The following SPEG variants were observed in gnomAD, a reference collection of about 807,000 sequenced individuals.
SPEG encodes the protein striated muscle enriched protein kinase.
A neutral mutation model predicts 300.4 loss-of-function variants in SPEG; 114 were observed. The observed-to-expected ratio is 0.38, with a 90% confidence interval of 0.33 to 0.44. The LOEUF (loss-of-function observed/expected upper bound fraction) is 0.44, where lower values mean the gene tolerates loss of function less well. Ranked by LOEUF, SPEG falls within the 20% of genes least tolerant of loss-of-function variation. SPEG has a pLI of 1.00. For missense variants in SPEG, 4,201 were observed against 4,586.2 expected (o/e 0.92, Z 2.43); for synonymous variants, 1,964 against 2,018.9 (o/e 0.97, Z 0.73).
chr2:219,485,114 T>C (rs757426509), intron 30 of SPEG, 42 bp downstream of exon 30: 4 of 1,514,228 alleles, frequency 2.6e-6, no homozygotes, highest in South Asian at 1.2e-5. Flanking sequence ...CAGAGGAGGG[T>C]GGGGTGCGCT....
In SPEG at chr2:219,464,163, C is replaced by T. The variant is rs1199070171; in HGVS notation, c.2706-270C>T. Among the ~76,000 whole-genome samples the T allele has an allele frequency of 1.3e-5, 2 of 150,854 alleles. No individual in the cohort carries two copies. The highest frequency in any genetic ancestry group is 3.0e-5 in the Non-Finnish European group (2 of 67,730). ...GACAAGAAAAAAGAGCTAAATAGCACGGCTCCACTCTGAATGCAGCAGGGT... is the reference window on the plus strand; with the variant it reads ...GACAAGAAAAAAGAGCTAAATAGCATGGCTCCACTCTGAATGCAGCAGGGT... On this transcript the variant is annotated intron_variant, in intron 8 of 40. Coordinates refer to ENST00000312358, the MANE Select transcript of SPEG (RefSeq NM_005876.5). This position sits in a 1 kb window ranked among gnomAD's most constrained non-coding sequence, Gnocchi z 4.5.
Position 219,473,513 on chromosome 2 carries a change from T to G in SPEG, c.4157T>G (p.Leu1386Arg), listed in dbSNP as rs770909541. 3.4e-5 allele frequency: 55 copies of G among 1,613,936 alleles called. No homozygotes were observed. In the South Asian group the frequency reaches 5.3e-4, roughly 15 times the overall value. The change falls in exon 17 of 41, where the codon CTG (leucine) becomes CGG (arginine). Residue 1386 changes from leucine to arginine, a missense_variant. Leu to Arg is a moderately radical substitution (Grantham distance 102). This residue lies in a region of SPEG where 1,047 missense variants were observed against 1,356.8 expected (regional missense o/e 0.77). Coordinates refer to ENST00000312358, the MANE Select transcript of SPEG (RefSeq NM_005876.5). The surrounding 1 kb of genome is among the most constrained non-coding windows in gnomAD (Gnocchi z 4.6). ...GCTCTCCTCCTCCCAGGCCCAACCC[T>G]GGAGGAGGCCCCTGCCATGCTGGAC... Reference protein sequence around the residue: ...PVQLLEHGPTLEEAPAMLDKP... With the variant: ...PVQLLEHGPTREEAPAMLDKP...
At position 219,469,050 on chromosome 2, in the gene SPEG, TACCACC is replaced by T; in HGVS notation, c.3491+3_3491+8del. ...CCGGACAGCCGCCTCAGGCCCCAGGTACCACCGGGGCCCCAAATGATGCTGGGGCTG... is the reference window on the plus strand; with the variant it reads ...CCGGACAGCCGCCTCAGGCCCCAGGTGGGGCCCCAAATGATGCTGGGGCTG... On this transcript the variant is annotated splice_donor_5th_base_variant and intron_variant, in intron 12 of 40. Transcript: ENST00000312358. The T allele has an allele frequency of 6.2e-7, 1 of 1,610,990 alleles. No homozygotes were observed. The highest frequency in any genetic ancestry group is 1.1e-5 in the South Asian group (1 of 90,966).
Position 219,451,864 on chromosome 2 carries a change from C to G in SPEG, c.2440+57C>G. The G allele has an allele frequency of 6.9e-7, 1 of 1,445,806 alleles. No homozygotes were observed. 89.6% of individuals were successfully genotyped at this position (1,445,806 alleles called of 1,614,324 possible). ...GGGGCAAGCCGTGACTCTCCCCTGG[C>G]CCAGGCCCCAGTCCACCTCCCTTCC... On this transcript the variant is annotated intron_variant, in intron 6 of 40. Coordinates refer to ENST00000312358, the MANE Select transcript of SPEG (RefSeq NM_005876.5). The surrounding 1 kb of genome is among the most constrained non-coding windows in gnomAD (Gnocchi z 6.4).
chr2:219,443,688 G>A lies in SPEG; in HGVS notation c.389-965G>A. On this transcript the variant is annotated intron_variant, in intron 1 of 40. Coordinates refer to ENST00000312358, the MANE Select transcript of SPEG (RefSeq NM_005876.5). The surrounding 1 kb of genome is among the most constrained non-coding windows in gnomAD (Gnocchi z 4.6). ...CACAATGCAAATATTGTAATAGAGGGTGGGCCTGACTCCTAATGGGAGGCC... is the reference window on the plus strand; with the variant it reads ...CACAATGCAAATATTGTAATAGAGGATGGGCCTGACTCCTAATGGGAGGCC... 3.0e-6 allele frequency: 1 copy of A among 333,636 alleles called. No homozygotes were observed. Among genetic ancestry groups the A allele is most frequent in the South Asian group, 2.4e-5 (1 of 42,026 alleles). 20.7% of individuals were successfully genotyped at this position (333,636 alleles called of 1,614,324 possible).
chr2:219,455,680 G>A (rs987047981), intron 6 of SPEG, among the ~76,000 whole-genome samples: 1 of 152,162 alleles, frequency 6.6e-6, no homozygotes, highest in African/African-American at 2.4e-5. Context: ...GTAGAACTGA[G>A]CTCATGAGCT....
In SPEG at chr2:219,492,515, A is replaced by G. The variant is rs894998423; in HGVS notation, c.9612-79A>G. 24 of 1,469,446 alleles carry G rather than the reference A, an allele frequency of 1.6e-5. No individual in the cohort carries two copies. The African/African-American group carries it at 2.8e-4, about 17-fold the overall frequency. 91.0% of individuals were successfully genotyped at this position (1,469,446 alleles called of 1,614,324 possible). ...TAGGGGTGGGATCCAGGACTGGGAC[A>G]TGGGTCTGCGGGAGGACAGAGCCCC... On this transcript the variant is annotated intron_variant, in intron 40 of 40. Transcript: ENST00000312358.
chr2:219,469,108 G>T (rs762696892), intron 12 of SPEG, 48 bp from the exon 13 acceptor site: 11 of 1,610,354 alleles, frequency 6.8e-6, no homozygotes, highest in Non-Finnish European at 9.3e-6. Context: ...CCAGCCCTGG[G>T]GTGGGAGGCA....
chr2:219,485,254 G>T lies in SPEG; in HGVS notation c.7610-92G>T, dbSNP rs1693286019. 5.2e-6 allele frequency: 8 copies of T among 1,525,190 alleles called. No individual in the cohort carries two copies. In the South Asian group the frequency reaches 6.2e-5, roughly 12 times the overall value. 94.5% of individuals were successfully genotyped at this position (1,525,190 alleles called of 1,614,324 possible). A position where few individuals can be genotyped will look rare whatever the true frequency, so the allele number is the denominator to read the frequency against. ...GGCGGCAGGGCTGGGTGGGCTAGGG[G>T]TTCCTTCTGGTTCTCTGGGCTGAGG... On this transcript the variant is annotated intron_variant, in intron 30 of 40. Coordinates refer to ENST00000312358, the MANE Select transcript of SPEG (RefSeq NM_005876.5).
intron 4 of SPEG, among the ~76,000 whole-genome samples, chr2:219,450,004 C>A (rs1689623074): frequency 6.6e-6 from 1 of 152,182 alleles, no homozygotes; most frequent in Non-Finnish European, 1.5e-5. Context: ...CAGAGGAAGG[C>A]GTCCTTGACC....
chr2:219,487,931 C>A (rs1041564835), intron 31 of SPEG, among the ~76,000 whole-genome samples: 11 of 152,214 alleles, frequency 7.2e-5, no homozygotes, highest in African/African-American at 2.7e-4. Flanking sequence ...GATTTACAAA[C>A]CCATGACATA....
chr2:219,469,127 G>C (rs1330976078), intron 12 of SPEG, 29 bp from the exon 13 acceptor site: 2 of 1,612,750 alleles, frequency 1.2e-6, no homozygotes, highest in Non-Finnish European at 1.7e-6. Context: ...CACGGCCCTG[G>C]GCCTGTGGGC....
At chr2:219,488,693 G>T in intron 33 of SPEG, 28 bp downstream of exon 33, 1 of 1,604,404 alleles carries the variant, frequency 6.2e-7, no homozygotes, top group Non-Finnish European at 8.5e-7. Flanking sequence ...CCCCAGGGGG[G>T]TAGTGATGGG....
At chr2:219,446,181 G>A (rs2125259789) in intron 3 of SPEG, among the ~76,000 whole-genome samples, 1 of 152,216 alleles carries the variant, frequency 6.6e-6, no homozygotes, top group Middle Eastern at 3.4e-3. Flanking sequence ...ACGGCCAGGG[G>A]GAGGCTCCCT....
At chr2:219,482,102 C>A (rs545797572) in intron 28 of SPEG, 2 of 232,668 alleles carry the variant, frequency 8.6e-6, no homozygotes, top group South Asian at 9.1e-5. Flanking sequence ...AGCAGGTTCT[C>A]GGTTCTCACT....
Position 219,464,887 on chromosome 2 carries a change from T to TTTTTTAATGATACG in SPEG, c.2881+279_2881+280insTTTTTAATGATACG. 1 of 429,752 alleles carries TTTTTTAATGATACG rather than the reference T, an allele frequency of 2.3e-6. No individual in the cohort carries two copies. 26.6% of individuals were successfully genotyped at this position (429,752 alleles called of 1,614,324 possible). A position where few individuals can be genotyped will look rare whatever the true frequency, so the allele number is the denominator to read the frequency against. On this transcript the variant is annotated intron_variant, in intron 9 of 40. Coordinates refer to ENST00000312358, the MANE Select transcript of SPEG (RefSeq NM_005876.5). The surrounding 1 kb of genome is among the most constrained non-coding windows in gnomAD (Gnocchi z 4.5). ...GAGCCCTGGCGGCAGCCAGAGACCC[T>TTTTTTAATGATACG]GCACCTGCCACTGGCCAAGCTCTCT...
rs769238575 is a variant in SPEG at position 219,480,379 on chromosome 2, G to A, written c.5342+239G>A. Among the ~76,000 whole-genome samples, 51 of 152,224 alleles carry A rather than the reference G, an allele frequency of 3.4e-4. No individual in the cohort carries two copies. The highest frequency in any genetic ancestry group is 4.6e-4 in the Non-Finnish European group (31 of 67,978). On this transcript the variant is annotated intron_variant, in intron 25 of 40. Coordinates refer to ENST00000312358, the MANE Select transcript of SPEG (RefSeq NM_005876.5). This position sits in a 1 kb window ranked among gnomAD's most constrained non-coding sequence, Gnocchi z 5.3. Reference sequence around the variant, plus strand: ...GACTCCTTGTCTCCCCTGGAAGCCGGGCCTTCCCCTCAGCATTCAGCCTGC... The same window carrying A: ...GACTCCTTGTCTCCCCTGGAAGCCGAGCCTTCCCCTCAGCATTCAGCCTGC...
At chr2:219,437,906 G>A (rs938976852) in intron 1 of SPEG, among the ~76,000 whole-genome samples, 1 of 152,190 alleles carries the variant, frequency 6.6e-6, no homozygotes, top group African/African-American at 2.4e-5. Flanking sequence ...GGACTTCAGG[G>A]TACTCGAGGA....
rs765415200 is a variant in SPEG at position 219,480,626 on chromosome 2, C to T, written c.5343-45C>T. ...TAGCAAAGAACTGCTCCCTTCCAGT[C>T]AGAGAGGGGCGGTCCTCTTACCTAT... is the stretch of plus-strand genomic sequence containing the variant. On this transcript the variant is annotated intron_variant, in intron 25 of 40. Coordinates refer to ENST00000312358, the MANE Select transcript of SPEG (RefSeq NM_005876.5). The surrounding 1 kb of genome is among the most constrained non-coding windows in gnomAD (Gnocchi z 5.3). 6.2e-7 allele frequency: 1 copy of T among 1,608,826 alleles called. No individual in the cohort carries two copies. Among genetic ancestry groups the T allele is most frequent in the Non-Finnish European group, 8.5e-7 (1 of 1,175,292 alleles).
Sources: allele counts gnomAD v4.1 joint callset (sites outside exome capture counted in the v4.1 genomes callset), GRCh38; gene constraint gnomAD v4.1.1; regional missense constraint gnomAD v4.1.1; non-coding constraint Gnocchi (gnomAD v3.1); transcripts MANE v1.5; gene names NCBI Gene and HGNC (gene_info 2026-07-23, HGNC 2026-07-21).